TAF12: variants seen among roughly 807,000 people sequenced by gnomAD.
The protein encoded by TAF12 is TATA-box binding protein associated factor 12, also known as transcription initiation factor TFIID subunit 12.
TAF12 carries 3 observed loss-of-function variants against 20.8 expected under a neutral mutation model. That is an observed-to-expected ratio of 0.14 (90% confidence interval 0.07 to 0.37). TAF12 has a LOEUF of 0.37. Ranked by LOEUF, TAF12 falls within the 10% of genes least tolerant of loss-of-function variation. TAF12 has a pLI of 1.00. For missense variants in TAF12, 131 were observed against 197.9 expected, an observed-to-expected ratio of 0.66 and a Z score of 2.03; for synonymous variants, 69 against 70.2, an observed-to-expected ratio of 0.98 and a Z score of 0.09.
chr1:28,622,064 G>C lies in TAF12; in HGVS notation c.18C>G (p.Pro6=), dbSNP rs534981616. The C allele has an allele frequency of 1.9e-6, 3 of 1,613,258 alleles. No homozygotes were observed. Among genetic ancestry groups the C allele is most frequent in the East Asian group, 4.5e-5 (2 of 44,870 alleles). Residue 6 remains proline (P), a synonymous_variant, in exon 2 of 6, where the codon CCC becomes CCG. Coordinates refer to ENST00000373824, the MANE Select transcript of TAF12 (RefSeq NM_005644.4). ...AATTGGAGAGGTTGATTAGGGCTGA[G>C]GGGCCAAACTGGTTCATAATCTGCC... is the stretch of plus-strand genomic sequence containing the variant. The part of the protein sequence containing the change: MNQFG[P]SALINLSNFS...
At chr1:28,621,843 T>C (rs766840056) in intron 2 of TAF12, 71 bp downstream of exon 2, 8 of 1,557,252 alleles carry the variant, frequency 5.1e-6, no homozygotes, top group Non-Finnish European at 6.9e-6. Context: ...GATGGACATC[T>C]CTTAAAGTAT....
intron 1 of TAF12, among the ~76,000 whole-genome samples, chr1:28,641,921 G>A (rs565843738): frequency 9.9e-5 from 15 of 151,886 alleles, no homozygotes; most frequent in African/African-American, 3.6e-4. Context: ...TTAAAATTAT[G>A]ATCTAACTAA....
intron 4 of TAF12, among the ~76,000 whole-genome samples, chr1:28,606,012 T>A (rs1165703154): frequency 6.6e-6 from 1 of 151,648 alleles, no homozygotes; most frequent in Admixed American, 6.6e-5. Flanking sequence ...ATTTTTTATT[T>A]TTTGGAGATG....
At position 28,632,176 on chromosome 1, in the gene TAF12, A is replaced by C. The variant is rs147386247; in HGVS notation, c.-84-10011T>G. Among the ~76,000 whole-genome samples the C allele has an allele frequency of 1.3e-4, 20 of 152,252 alleles. No homozygotes were observed. In the East Asian group the frequency reaches 3.9e-3, roughly 29 times the overall value. ...GGAAAGGCCAGGTACAGTGGCTCAC[A>C]TCTGCAATCCCAGCAATTTGGGAGG... On this transcript the variant is annotated intron_variant, in intron 1 of 5. Coordinates refer to ENST00000373824, the MANE Select transcript of TAF12 (RefSeq NM_005644.4).
chr1:28,616,847 C>T (rs181096077), intron 3 of TAF12, among the ~76,000 whole-genome samples: 46 of 151,338 alleles, frequency 3.0e-4, no homozygotes, highest in Non-Finnish European at 4.3e-4. Flanking sequence ...TGGCCAGGCA[C>T]GGTGACTCAC....
At chr1:28,627,686 A>AC (rs1415488754) in intron 1 of TAF12, among the ~76,000 whole-genome samples, 6 of 150,734 alleles carry the variant, frequency 4.0e-5, no homozygotes, top group East Asian at 1.9e-4. Context: ...AAAAAAAAAA[A>AC]ACTAAAAAAG....
intron 1 of TAF12, among the ~76,000 whole-genome samples, chr1:28,635,675 C>A (rs538298115): frequency 4.9e-4 from 75 of 152,058 alleles, no homozygotes; most frequent in Non-Finnish European, 7.6e-4. Flanking sequence ...CCTTTAACAA[C>A]CTTGTACTTC....
At chr1:28,624,805 G>C (rs1447701671) in intron 1 of TAF12, among the ~76,000 whole-genome samples, 1 of 151,916 alleles carries the variant, frequency 6.6e-6, no homozygotes, top group Non-Finnish European at 1.5e-5. Context: ...ATGTTCTCCT[G>C]GTTTACGCTT....
intron 1 of TAF12, among the ~76,000 whole-genome samples, chr1:28,631,134 A>AT (rs1326234807): frequency 6.6e-6 from 1 of 152,068 alleles, no homozygotes; most frequent in African/African-American, 2.4e-5. Flanking sequence ...TATCCAGCAC[A>AT]TATAAAGAAA....
chr1:28,630,027 C>T (rs1338227140), intron 1 of TAF12, among the ~76,000 whole-genome samples: 1 of 152,164 alleles, frequency 6.6e-6, no homozygotes, highest in Non-Finnish European at 1.5e-5. Context: ...ACAGCCTCAA[C>T]CAGCTGGACT....
Position 28,609,634 on chromosome 1 carries a change from G to A in TAF12, c.361+3613C>T, listed in dbSNP as rs183773310. Among the ~76,000 whole-genome samples the A allele has an allele frequency of 7.8e-3, 1,184 of 151,820 alleles. 13 individuals are homozygous for A. The highest frequency in any genetic ancestry group is 0.027 in the African/African-American group (1,116 of 41,440). ...CTGGAGTAGCTGGGACTACAGGCGT[G>A]CACCACCACGCTCAGCTAATTTTTG... is the stretch of plus-strand genomic sequence containing the variant. On this transcript the variant is annotated intron_variant, in intron 4 of 5. Transcript: ENST00000373824.
intron 1 of TAF12, among the ~76,000 whole-genome samples, chr1:28,624,499 C>T (rs1443305725): frequency 1.3e-5 from 2 of 152,200 alleles, no homozygotes; most frequent in Non-Finnish European, 2.9e-5. Flanking sequence ...GTAATCCCAG[C>T]ACTTTGGGAG....
chr1:28,643,185 C>G, upstream of TAF12: 3 of 882,030 alleles, frequency 3.4e-6, no homozygotes, highest in South Asian at 5.2e-5. Flanking sequence ...CCCTCCGACA[C>G]GTGGTGGCGA....
intron 4 of TAF12, among the ~76,000 whole-genome samples, chr1:28,612,875 A>T (rs1433066444): frequency 1.3e-5 from 2 of 152,130 alleles, no homozygotes; most frequent in African/African-American, 4.8e-5. Context: ...CATTGACTAG[A>T]TCCTACTTTG....
At chr1:28,621,810 T>C in intron 2 of TAF12, 104 bp downstream of exon 2, 1 of 1,496,588 alleles carries the variant, frequency 6.7e-7, no homozygotes. Context: ...CCTTTTCGGC[T>C]AAGAGAAAAA....
At chr1:28,615,604 G>A (rs543867424) in intron 3 of TAF12, among the ~76,000 whole-genome samples, 5 of 143,572 alleles carry the variant, frequency 3.5e-5, no homozygotes, top group Non-Finnish European at 6.0e-5. Context: ...ACTTGAACCC[G>A]GGAGGTGGAG....
intron 1 of TAF12, among the ~76,000 whole-genome samples, chr1:28,630,159 T>C (rs1235810476): frequency 1.3e-5 from 2 of 152,148 alleles, no homozygotes; most frequent in Non-Finnish European, 2.9e-5. Context: ...TTGCCCAGGC[T>C]GCTCTCAAAC....
At chr1:28,639,985 G>A (rs1667979336) in intron 1 of TAF12, among the ~76,000 whole-genome samples, 2 of 152,134 alleles carry the variant, frequency 1.3e-5, no homozygotes, top group Admixed American at 6.6e-5. Flanking sequence ...TGGGACTACA[G>A]GCATGTGCCA....
chr1:28,639,215 G>A (rs1056919143), intron 1 of TAF12, among the ~76,000 whole-genome samples: 5 of 151,354 alleles, frequency 3.3e-5, no homozygotes, highest in East Asian at 2.0e-4. Flanking sequence ...TCAGGAGTTC[G>A]AGACAAGCCT....
Sources: allele counts gnomAD v4.1 joint callset (sites outside exome capture counted in the v4.1 genomes callset), GRCh38; gene constraint gnomAD v4.1.1; transcripts MANE v1.5; gene names NCBI Gene and HGNC (gene_info 2026-07-23, HGNC 2026-07-21).